Variants in ZDHHC17 observed in about 807,000 individuals in gnomAD.
ZDHHC17 encodes the protein zDHHC palmitoyltransferase 17.
Under a neutral mutation model 90.3 loss-of-function variants are expected in ZDHHC17, and 40 were observed. That is an observed-to-expected ratio of 0.44 (90% CI 0.34 to 0.58). The LOEUF is 0.58. ZDHHC17 is among the 20% of genes least tolerant of loss of function. ZDHHC17 has a pLI of 0.01. For synonymous variants in ZDHHC17, 235 were observed against 252.4 expected (o/e 0.93, Z 0.65); for missense variants, 614 against 780.8 (o/e 0.79, Z 2.55).
chr12:76,764,223 C>T lies in ZDHHC17; in HGVS notation c.-14C>T, dbSNP rs1397731036. The T allele has an allele frequency of 2.5e-6, 4 of 1,574,258 alleles. No homozygotes were observed. Among genetic ancestry groups the T allele is most frequent in the Non-Finnish European group, 3.5e-6 (4 of 1,159,184 alleles). On this transcript the variant is annotated 5_prime_UTR_variant, in exon 1 of 17. In the 5' UTR this introduces an upstream ATG that the reference lacks. Coordinates refer to ENST00000426126, the MANE Select transcript of ZDHHC17 (RefSeq NM_015336.4). Reference sequence around the variant, plus strand: ...TCGCCCGAGCCCCGGGAGGGTGAAACGCTTTCTCCCAGCATGCAGCGGGAG... The same window carrying T: ...TCGCCCGAGCCCCGGGAGGGTGAAATGCTTTCTCCCAGCATGCAGCGGGAG...
intron 1 of ZDHHC17, among the ~76,000 whole-genome samples, chr12:76,784,751 A>G (rs550895964): frequency 6.6e-6 from 1 of 152,354 alleles, no homozygotes; most frequent in African/African-American, 2.4e-5. Context: ...ATCCTGAAGC[A>G]TTTATTTGAA....
chr12:76,805,167 G>C, intron 2 of ZDHHC17, 150 bp from the exon 3 acceptor site: 2 of 750,968 alleles, frequency 2.7e-6, no homozygotes, highest in Non-Finnish European at 4.1e-6. Context: ...TTTTTGGAAT[G>C]TTGACATTTT....
chr12:76,780,990 C>T (rs369881464), intron 1 of ZDHHC17, among the ~76,000 whole-genome samples: 8 of 151,818 alleles, frequency 5.3e-5, no homozygotes, highest in East Asian at 1.9e-4. Context: ...AAAAATTACC[C>T]GGGCGTGGTA....
intron 10 of ZDHHC17, among the ~76,000 whole-genome samples, chr12:76,830,018 T>A (rs2137788803): frequency 6.6e-6 from 1 of 152,222 alleles, no homozygotes; most frequent in East Asian, 1.9e-4. Flanking sequence ...ACTAATATAA[T>A]TGAAATTGTA....
intron 10 of ZDHHC17, among the ~76,000 whole-genome samples, chr12:76,834,428 G>GGGATGATTACATATATTAA (rs1240850676): frequency 3.3e-5 from 5 of 152,210 alleles, no homozygotes; most frequent in African/African-American, 1.2e-4. Context: ...TGCAGAATCT[G>GGGATGATTACATATATTAA]GGATGATTAC....
chr12:76,781,623 A>G, intron 1 of ZDHHC17: 1 of 456,070 alleles, frequency 2.2e-6, no homozygotes, highest in Non-Finnish European at 4.4e-6. Context: ...GGGATGATGC[A>G]GCAAGAATGG....
intron 10 of ZDHHC17, among the ~76,000 whole-genome samples, chr12:76,832,758 G>A (rs1049453899): frequency 6.6e-6 from 1 of 151,436 alleles, no homozygotes; most frequent in Non-Finnish European, 1.5e-5. Flanking sequence ...CCTTTTAAAC[G>A]GCAAAATCTA....
chr12:76,847,793 G>T (rs557102881), intron 14 of ZDHHC17, among the ~76,000 whole-genome samples: 163 of 152,288 alleles, frequency 1.1e-3, no homozygotes, highest in African/African-American at 3.8e-3. Flanking sequence ...AGGAGGTCGA[G>T]GTTGCAGTGA....
chr12:76,834,848 C>T (rs113176272), intron 10 of ZDHHC17, among the ~76,000 whole-genome samples: 2,108 of 152,212 alleles, frequency 0.014, 47 homozygotes, highest in African/African-American at 0.048. Flanking sequence ...CATCATGTTT[C>T]CTAGGTACAC....
At chr12:76,846,537 G>T in intron 13 of ZDHHC17, 59 bp from the exon 14 acceptor site, 1 of 1,287,894 alleles carries the variant, frequency 7.8e-7, no homozygotes, top group Non-Finnish European at 1.1e-6. Flanking sequence ...CCCCTCAAAG[G>T]TGCATTACCC....
chr12:76,798,049 A>G (rs1200535854), intron 2 of ZDHHC17, among the ~76,000 whole-genome samples: 1 of 152,180 alleles, frequency 6.6e-6, no homozygotes, highest in Non-Finnish European at 1.5e-5. Flanking sequence ...TGATCTTTCC[A>G]GAAGTATACT....
At position 76,809,927 on chromosome 12, in the gene ZDHHC17, GTGT is replaced by G. The variant is rs2137762526; in HGVS notation, c.543+74_543+76del. 3.3e-6 allele frequency: 5 copies of G among 1,507,660 alleles called. No homozygotes were observed. The South Asian group carries it at 6.0e-5, about 18-fold the overall frequency. The allele number at this position is 1,507,660 out of a possible 1,614,324, so 93.4% of individuals were successfully genotyped here. On this transcript the variant is annotated intron_variant, in intron 5 of 16. Transcript: ENST00000426126. ...ATAGTTTAAATGCCTAATATTATTG[GTGT>G]TGTAACAAGCCGTTGATATTTAAAT...
At chr12:76,850,784 GA>G in intron 16 of ZDHHC17, 62 bp from the exon 17 acceptor site, 1 of 1,541,808 alleles carries the variant, frequency 6.5e-7, no homozygotes, top group East Asian at 2.3e-5. Flanking sequence ...AAATTATATT[GA>G]ATTCATGTAT....
intron 1 of ZDHHC17, among the ~76,000 whole-genome samples, chr12:76,790,398 A>G (rs998235436): frequency 1.3e-5 from 2 of 152,068 alleles, no homozygotes; most frequent in African/African-American, 4.8e-5. Context: ...GCTACCCTGG[A>G]GACTGAGGCA....
intron 12 of ZDHHC17, 106 bp downstream of exon 12, chr12:76,843,087 A>G (rs1953454179): frequency 1.3e-6 from 1 of 784,006 alleles, no homozygotes. Flanking sequence ...TTCAATGAAC[A>G]CATTCCCTGC....
intron 2 of ZDHHC17, among the ~76,000 whole-genome samples, chr12:76,797,901 G>T (rs894155326): frequency 6.6e-6 from 1 of 151,742 alleles, no homozygotes; most frequent in Non-Finnish European, 1.5e-5. Context: ...CCGAGATTGC[G>T]CCACTGTGCT....
chr12:76,788,600 C>G (rs919235726), intron 1 of ZDHHC17, among the ~76,000 whole-genome samples: 4 of 147,172 alleles, frequency 2.7e-5, no homozygotes, highest in African/African-American at 1.0e-4. Flanking sequence ...TTTCAGGAGT[C>G]AAGTACAATA....
chr12:76,825,067 G>A (rs1369181683), intron 8 of ZDHHC17, among the ~76,000 whole-genome samples: 2 of 152,062 alleles, frequency 1.3e-5, no homozygotes, highest in East Asian at 1.9e-4. Flanking sequence ...GGGAGTAGGA[G>A]GGAAGTTGGC....
At chr12:76,764,899 A>C in intron 1 of ZDHHC17, 1 of 455,468 alleles carries the variant, frequency 2.2e-6, no homozygotes, top group South Asian at 1.5e-5. Flanking sequence ...AGAGAGGTAA[A>C]AACTTTTGGG....
Sources: allele counts gnomAD v4.1 joint callset (sites outside exome capture counted in the v4.1 genomes callset), GRCh38; gene constraint gnomAD v4.1.1; transcripts MANE v1.5; gene names NCBI Gene and HGNC (gene_info 2026-07-23, HGNC 2026-07-21).